TERT: variants seen among roughly 807,000 people sequenced by gnomAD.
TERT encodes the protein telomerase catalytic subunit.
A neutral mutation model predicts 104.0 loss-of-function variants in TERT; 42 were observed. The observed-to-expected ratio is 0.40, with a 90% CI of 0.32 to 0.52. The LOEUF (loss-of-function observed/expected upper bound fraction) is 0.52. Among genes scored for constraint, TERT ranks in the 20% least tolerant of loss-of-function variants. TERT has a pLI of 0.43. For missense variants in TERT, 1,101 were observed against 1,610.3 expected, an observed-to-expected ratio of 0.68 and a Z score of 5.41; for synonymous variants, 781 against 725.6, an observed-to-expected ratio of 1.08 and a Z score of -1.23.
At chr5:1,271,313 A>C (rs780742386) in intron 7 of TERT, 109 bp from the exon 8 acceptor site, 16 of 797,124 alleles carry the variant, frequency 2.0e-5, no homozygotes, top group Non-Finnish European at 2.8e-5. Flanking sequence ...TTTGTGATGA[A>C]GTGCGGGGCT....
intron 6 of TERT, among the ~76,000 whole-genome samples, chr5:1,276,179 TCCCACAGGTC>T (rs1749569855): frequency 9.3e-6 from 1 of 108,062 alleles, no homozygotes; most frequent in African/African-American, 3.7e-5. Flanking sequence ...TAAAAACCAA[TCCCACAGGTC>T]CCCACCTACC....
intron 6 of TERT, 91 bp downstream of exon 6, chr5:1,278,550 C>T: frequency 6.4e-7 from 1 of 1,570,402 alleles, no homozygotes; most frequent in Non-Finnish European, 8.8e-7. Context: ...ACCTCCACCA[C>T]AGAAACGCAT....
intron 5 of TERT, 90 bp downstream of exon 5, chr5:1,279,201 G>T: frequency 6.9e-7 from 1 of 1,444,104 alleles, no homozygotes; most frequent in Non-Finnish European, 9.4e-7. Flanking sequence ...GGCCCACCCA[G>T]GAGTACCTCC....
Position 1,295,009 on chromosome 5 carries a change from AG to A in TERT, c.-21del. 7.7e-7 allele frequency: 1 copy of A among 1,296,918 alleles called. No homozygotes were observed. Among genetic ancestry groups the A allele is most frequent in the Non-Finnish European group, 9.7e-7 (1 of 1,026,248 alleles). 80.3% of individuals were successfully genotyped at this position (1,296,918 alleles called of 1,614,324 possible). ...CGGCATCGCGGGGGTGGCCGGGGCC[AG>A]GGCTTCCCACGTGCGCAGCAGGACG... On this transcript the variant is annotated 5_prime_UTR_variant, in exon 1 of 16. Coordinates refer to ENST00000310581, the MANE Select transcript of TERT (RefSeq NM_198253.3).
At chr5:1,293,226 G>A in intron 2 of TERT, 87 bp downstream of exon 2, 3 of 1,536,122 alleles carry the variant, frequency 2.0e-6, no homozygotes, top group Non-Finnish European at 2.7e-6. Context: ...GGAGACAGGA[G>A]GACCAGGGCT....
rs767353485 is a variant in TERT at position 1,294,472 on chromosome 5, C to A, written c.414G>T (p.Gly138=). 5 of 1,590,228 alleles carry A rather than the reference C, an allele frequency of 3.1e-6. No homozygotes were observed. The highest frequency in any genetic ancestry group is 3.4e-5 in the Admixed American group (2 of 59,318). ...CGTCGCCCACGCGGCGCAGCAGCAG[C>A]CCCCACGCCCCGCTCCCCCGCAGTG... The part of the protein sequence containing the change: ...TDALRGSGAW[G]LLLRRVGDDV... The change falls in exon 2 of 16, where the codon GGG becomes GGT. Residue 138 remains glycine (G), a synonymous_variant. Transcript: ENST00000310581.
chr5:1,260,650 C>G, intron 11 of TERT, 50 bp from the exon 12 acceptor site: 4 of 1,609,116 alleles, frequency 2.5e-6, no homozygotes, highest in Non-Finnish European at 3.4e-6. Context: ...CCACACCCAG[C>G]CCCCTCCTGC....
rs1304458426 is a variant in TERT, at chr5:1,286,605, C to T, written c.1574-3981G>A. On this transcript the variant is annotated intron_variant, in intron 2 of 15. Coordinates refer to ENST00000310581, the MANE Select transcript of TERT (RefSeq NM_198253.3). The surrounding 1 kb of genome is among the most constrained non-coding windows in gnomAD (Gnocchi z 5.3). ...TTAAAAGATCAAGGTATGCCGGGCACGGTGGCTTGCACCTGTAATCCCAGC... is the reference window on the plus strand; with the variant it reads ...TTAAAAGATCAAGGTATGCCGGGCATGGTGGCTTGCACCTGTAATCCCAGC... Among the ~76,000 whole-genome samples, 1 of 152,124 alleles carries T rather than the reference C, an allele frequency of 6.6e-6. No homozygotes were observed. Among genetic ancestry groups the T allele is most frequent in the South Asian group, 2.1e-4 (1 of 4,818 alleles).
At chr5:1,267,546 G>A (rs540229718) in intron 9 of TERT, among the ~76,000 whole-genome samples, 1 of 152,298 alleles carries the variant, frequency 6.6e-6, no homozygotes, top group Admixed American at 6.5e-5. Flanking sequence ...TATGTTTATT[G>A]CGGCACTATT....
chr5:1,279,571 C>G, intron 4 of TERT, 101 bp from the exon 5 acceptor site: 1 of 1,212,326 alleles, frequency 8.2e-7, no homozygotes, highest in Non-Finnish European at 1.2e-6. Context: ...CCCAGTGTCC[C>G]CAGCCACCCA....
chr5:1,281,396 G>C (rs1003039807), intron 3 of TERT, among the ~76,000 whole-genome samples: 1 of 152,214 alleles, frequency 6.6e-6, no homozygotes, highest in Non-Finnish European at 1.5e-5. Flanking sequence ...GGTGTCACAA[G>C]GCCCCCCAGG....
In TERT at chr5:1,270,604, A is replaced by G. The variant is rs1229260288; in HGVS notation, c.2468+515T>C. 6.6e-6 allele frequency among the ~76,000 whole-genome samples: 1 copy of G among 152,224 alleles called. No individual in the cohort carries two copies. The highest frequency in any genetic ancestry group is 1.5e-5 in the Non-Finnish European group (1 of 68,038). On this transcript the variant is annotated intron_variant, in intron 8 of 15. Coordinates refer to ENST00000310581, the MANE Select transcript of TERT (RefSeq NM_198253.3). This position sits in a 1 kb window ranked among gnomAD's most constrained non-coding sequence, Gnocchi z 8.3. ...CCACCACAGGCCCCCCGAGAGGAGCAAACTACACGGTCAACCCCGCACTTT... is the reference window on the plus strand; with the variant it reads ...CCACCACAGGCCCCCCGAGAGGAGCGAACTACACGGTCAACCCCGCACTTT...
Position 1,293,293 on chromosome 5 carries a change from G to C in TERT, c.1573+20C>G. On this transcript the variant is annotated intron_variant, in intron 2 of 15. Coordinates refer to ENST00000310581, the MANE Select transcript of TERT (RefSeq NM_198253.3). ...ATTCAGCTCTGGGGCCTGGGCCCTCGACGGCCACCACCTCCTCACCTGGGC... is the reference window on the plus strand; with the variant it reads ...ATTCAGCTCTGGGGCCTGGGCCCTCCACGGCCACCACCTCCTCACCTGGGC... 2 of 1,611,646 alleles carry C rather than the reference G, an allele frequency of 1.2e-6. No individual in the cohort carries two copies. The highest frequency in any genetic ancestry group is 8.5e-7 in the Non-Finnish European group (1 of 1,179,960).
In TERT at chr5:1,279,913, G is replaced by A. The variant is rs2242652; in HGVS notation, c.1950+245C>T. 0.18 allele frequency among the ~76,000 whole-genome samples: 26,800 copies of A among 152,150 alleles called. 2,398 individuals are homozygous for A. The highest frequency in any genetic ancestry group is 0.2 in the Non-Finnish European group (13,340 of 67,964). On this transcript the variant is annotated intron_variant, in intron 4 of 15. Transcript: ENST00000310581. ...CCGTGCTGCATCCAGGCCCTGGCCC[G>A]GCTGCTTCTTGTGGTCCTCAGAGCC...
chr5:1,280,386 T>G, intron 3 of TERT, 48 bp from the exon 4 acceptor site: 2 of 1,591,418 alleles, frequency 1.3e-6, no homozygotes, highest in South Asian at 2.2e-5. Context: ...GACAACAGAC[T>G]AGGGGGAAGC....
chr5:1,271,908 G>A (rs1218681967), intron 7 of TERT, among the ~76,000 whole-genome samples: 5 of 152,224 alleles, frequency 3.3e-5, no homozygotes, highest in African/African-American at 1.2e-4. Flanking sequence ...AACTGGCAGA[G>A]AAGACATTTA....
rs1044179819 is a variant in TERT at position 1,264,265 on chromosome 5, C to A, written c.2843+139G>T. On this transcript the variant is annotated intron_variant, in intron 11 of 15. Transcript: ENST00000310581. ...CATTTCTGCTCAGCCCCAGATGGGA[C>A]GAGGGGCACCCTGTGGCCTCTGACC... 6 of 876,508 alleles carry A rather than the reference C, an allele frequency of 6.8e-6. No homozygotes were observed. The East Asian group carries it at 8.0e-5, about 12-fold the overall frequency. 54.3% of individuals were successfully genotyped at this position (876,508 alleles called of 1,614,324 possible). A position where few individuals can be genotyped will look rare whatever the true frequency, so the allele number is the denominator to read the frequency against.
Position 1,269,503 on chromosome 5 carries a change from C to T in TERT, c.2469-870G>A, listed in dbSNP as rs1249792170. The stretch of plus-strand genomic sequence containing the variant: ...GTGGGTGCCTGTAATCTCAGCTGCT[C>T]GGGAGGCTGAGGCAGGAGAAATGCT... On this transcript the variant is annotated intron_variant, in intron 8 of 15. Coordinates refer to ENST00000310581, the MANE Select transcript of TERT (RefSeq NM_198253.3). This position sits in a 1 kb window ranked among gnomAD's most constrained non-coding sequence, Gnocchi z 9.0. Among the ~76,000 whole-genome samples the T allele has an allele frequency of 6.6e-6, 1 of 151,506 alleles. No individual in the cohort carries two copies. The highest frequency in any genetic ancestry group is 2.4e-5 in the African/African-American group (1 of 41,186).
In TERT at chr5:1,283,212, C is replaced by T. The variant is rs184200769; in HGVS notation, c.1574-588G>A. Among the ~76,000 whole-genome samples the T allele has an allele frequency of 4.7e-4, 64 of 137,312 alleles. 1 individual carries two copies. The highest frequency in any genetic ancestry group is 8.4e-4 in the Non-Finnish European group (54 of 64,470). The allele number at this position is 137,312 out of a possible 152,430, so 90.1% of individuals were successfully genotyped here. On this transcript the variant is annotated intron_variant, in intron 2 of 15. Coordinates refer to ENST00000310581, the MANE Select transcript of TERT (RefSeq NM_198253.3). ...TCCGGACACCACACATCCAGCTAAC[C>T]GCAGGGCCTGGTGACCTCACCCCGG...
Sources: gnomAD v4.1 joint callset for allele counts (sites outside exome capture counted in the v4.1 genomes callset) on GRCh38, gnomAD v4.1.1 for gene constraint, Gnocchi (gnomAD v3.1) non-coding constraint, MANE v1.5 for transcripts, NCBI Gene and HGNC (gene_info 2026-07-23, HGNC 2026-07-21) for gene names.